MPZL2: variants seen among roughly 807,000 people sequenced by gnomAD.
MPZL2 encodes the protein myelin protein zero-like protein 2.
MPZL2 carries 32 observed loss-of-function variants against 24.5 expected under a neutral mutation model. The ratio of observed to expected loss-of-function variants is 1.31; its 90% confidence interval spans 0.99 to 1.76. The LOEUF (loss-of-function observed/expected upper bound fraction) is 1.76, where lower values mean the gene tolerates loss of function less well. Ranked by LOEUF, MPZL2 falls within the 40% of genes most tolerant of loss-of-function variation. MPZL2 has a pLI of 0.00. For synonymous variants in MPZL2, 92 were observed against 97.9 expected, an observed-to-expected ratio of 0.94 and a Z score of 0.36; for missense variants, 304 against 274.9, an observed-to-expected ratio of 1.11 and a Z score of -0.75.
In MPZL2 at chr11:118,253,766, C is replaced by T. The variant is rs1949645627; in HGVS notation, c.*1480G>A. The T allele has an allele frequency of 6.6e-6, 1 of 152,380 alleles. No individual in the cohort carries two copies. The highest frequency in any genetic ancestry group is 6.5e-5 in the Admixed American group (1 of 15,278). The allele number at this position is 152,380 out of a possible 1,614,324, so 9.4% of individuals were successfully genotyped here. A position where few individuals can be genotyped will look rare whatever the true frequency, so the allele number is the denominator to read the frequency against. ...TGTAATTTACAGTTTTAAAATTGCA[C>T]TTTAAAACTTTGCTTTTTTAGACAG... is the stretch of plus-strand genomic sequence containing the variant. On this transcript the variant is annotated 3_prime_UTR_variant, in exon 6 of 6. Transcript: ENST00000278937.
chr11:118,263,128 A>G (rs372594463), intron 1 of MPZL2, 31 bp from the exon 2 acceptor site: 1 of 1,605,838 alleles, frequency 6.2e-7, no homozygotes, highest in South Asian at 1.1e-5. Context: ...AAGAAGGGTT[A>G]ACAGGGGATG....
chr11:118,263,960 A>G (rs1949721007), intron 1 of MPZL2, 136 bp downstream of exon 1: 3 of 932,662 alleles, frequency 3.2e-6, no homozygotes, highest in African/African-American at 1.6e-5. Context: ...TGGTTTCAGT[A>G]AAACCCAAAG....
In MPZL2 at chr11:118,262,643, G is replaced by A; in HGVS notation, c.231C>T (p.Phe77=). The A allele has an allele frequency of 6.2e-7, 1 of 1,613,628 alleles. No individual in the cohort carries two copies. Among genetic ancestry groups the A allele is most frequent in the East Asian group, 2.2e-5 (1 of 44,862 alleles). The change falls in exon 3 of 6, where the codon TTC becomes TTT. Residue 77 remains phenylalanine (F), a synonymous_variant. Coordinates refer to ENST00000278937, the MANE Select transcript of MPZL2 (RefSeq NM_005797.4). ...GTTGGAAGGGATCTATGTGGTAGTA[G>A]AATACCTAGAGAGGGGAAATGGCAA... The part of the protein sequence containing the change: ...PLDGGPEQFV[F]YYHIDPFQPM...
intron 5 of MPZL2, among the ~76,000 whole-genome samples, 192 bp from the exon 6 acceptor site, chr11:118,255,425 C>T (rs1949654374): frequency 6.6e-6 from 1 of 151,998 alleles, no homozygotes; most frequent in South Asian, 2.1e-4. Context: ...AGTTAGTATC[C>T]TTAAATCATG....
In MPZL2 at chr11:118,254,367, T is replaced by A. The variant is rs527475943; in HGVS notation, c.*879A>T. The A allele has an allele frequency of 1.8e-4, 27 of 152,362 alleles. No homozygotes were observed. The highest frequency in any genetic ancestry group is 6.3e-4 in the African/African-American group (26 of 41,594). The allele number at this position is 152,362 out of a possible 1,614,324, so 9.4% of individuals were successfully genotyped here. A position where few individuals can be genotyped will look rare whatever the true frequency, so the allele number is the denominator to read the frequency against. ...GTAATATGCTGTTTCACAATTTTTT[T>A]ATTAAATTACTTAATGATTCCAGTC... On this transcript the variant is annotated 3_prime_UTR_variant, in exon 6 of 6. Transcript: ENST00000278937.
In MPZL2 at chr11:118,257,235, T is replaced by TA. The variant is rs776047827; in HGVS notation, c.*12+2dup. The TA allele has an allele frequency of 1.0e-4, 166 of 1,601,616 alleles. No homozygotes were observed. Among genetic ancestry groups the TA allele is most frequent in the Non-Finnish European group, 1.3e-4 (149 of 1,170,828 alleles). On this transcript the variant is annotated splice_region_variant and intron_variant, in intron 5 of 5. Coordinates refer to ENST00000278937, the MANE Select transcript of MPZL2 (RefSeq NM_005797.4). ...AAGAAATCAACCTATTTGTGAACCTTACCATCTAAAATTGTTAGTCTGTGT... is the reference window on the plus strand; with the variant it reads ...AAGAAATCAACCTATTTGTGAACCTTAACCATCTAAAATTGTTAGTCTGTGT...
Position 118,262,944 on chromosome 11 carries a change from C to G in MPZL2, c.212G>C (p.Gly71Ala). The G allele has an allele frequency of 6.2e-7, 1 of 1,613,978 alleles. No individual in the cohort carries two copies. Among genetic ancestry groups the G allele is most frequent in the South Asian group, 1.1e-5 (1 of 91,030 alleles). Residue 71 changes from glycine (G) to alanine (A), a missense_variant, in exon 2 of 6, where the codon GGA becomes GCA. By Grantham distance (60) the Gly-to-Ala change is moderately conservative. Transcript: ENST00000278937. Reference sequence around the variant, plus strand: ...TAATCTACTTACAAACTGCTCAGGTCCCCCGTCTAGAGGACGAAAATTCCA... The same window carrying G: ...TAATCTACTTACAAACTGCTCAGGTGCCCCGTCTAGAGGACGAAAATTCCA... ...VTWNFRPLDG[G>A]PEQFVFYYHI...
In MPZL2 at chr11:118,262,958, A is replaced by C. The variant is rs1309727271; in HGVS notation, c.198T>G (p.Arg66=). 1 of 1,614,184 alleles carries C rather than the reference A, an allele frequency of 6.2e-7. No individual in the cohort carries two copies. Among genetic ancestry groups the C allele is most frequent in the Non-Finnish European group, 8.5e-7 (1 of 1,180,014 alleles). The change falls in exon 2 of 6, where the codon CGT becomes CGG. Residue 66 remains arginine (R), a synonymous_variant. Transcript: ENST00000278937. ...ACTGCTCAGGTCCCCCGTCTAGAGG[A>C]CGAAAATTCCAGGTCACTGTTAGAG... The part of the protein sequence containing the change: ...GDALTVTWNF[R]PLDGGPEQFV...
At chr11:118,256,145 CT>C (rs11328010) in intron 5 of MPZL2, among the ~76,000 whole-genome samples, 86,407 of 151,914 alleles carry the variant, frequency 0.57, 25,047 homozygotes, top group South Asian at 0.74. Flanking sequence ...TTCACTGGAG[CT>C]TTAGCCTATA....
rs1458505314 is a variant in MPZL2 at position 118,264,161 on chromosome 11, A to G, written c.-8T>C. On this transcript the variant is annotated 5_prime_UTR_variant, in exon 1 of 6. Transcript: ENST00000278937. ...AGAGCTCTTGCCATACATGAGGGAAACCCAGCCTTGGCCCCAGAGACCGGA... is the reference window on the plus strand; with the variant it reads ...AGAGCTCTTGCCATACATGAGGGAAGCCCAGCCTTGGCCCCAGAGACCGGA... 1.2e-6 allele frequency: 2 copies of G among 1,613,930 alleles called. No homozygotes were observed. Among genetic ancestry groups the G allele is most frequent in the Non-Finnish European group, 8.5e-7 (1 of 1,179,990 alleles).
At chr11:118,263,496 T>C (rs1370961564) in intron 1 of MPZL2, among the ~76,000 whole-genome samples, 1 of 152,196 alleles carries the variant, frequency 6.6e-6, no homozygotes, top group Non-Finnish European at 1.5e-5. Flanking sequence ...AAGCATTATG[T>C]GTTGTATGTA....
chr11:118,264,101 A>G lies in MPZL2; in HGVS notation c.53T>C (p.Leu18Pro), dbSNP rs1365880982. 1 of 1,614,116 alleles carries G rather than the reference A, an allele frequency of 6.2e-7. No homozygotes were observed. Among genetic ancestry groups the G allele is most frequent in the Non-Finnish European group, 8.5e-7 (1 of 1,179,988 alleles). The change falls in exon 1 of 6, where the codon CTC becomes CCC. Residue 18 changes from leucine (L) to proline (P), a missense_variant. Coordinates refer to ENST00000278937, the MANE Select transcript of MPZL2 (RefSeq NM_005797.4). The stretch of plus-strand genomic sequence containing the variant: ...AGAAGCCCGCCGGCTCTTACCTGTG[A>G]GCTGTATGCCAAGGAGAAGAAGCAC... ...RAVLLLLGIQLTALWPIAAVE... is the reference protein window; with the variant it reads ...RAVLLLLGIQPTALWPIAAVE...
chr11:118,263,080 C>T lies in MPZL2; in HGVS notation c.76G>A (p.Ala26Thr), dbSNP rs1190620991. The change falls in exon 2 of 6, where the codon GCT becomes ACT. Residue 26 changes from alanine (A) to threonine (T), a missense_variant. Ala to Thr is a moderately conservative substitution (Grantham distance 58). Coordinates refer to ENST00000278937, the MANE Select transcript of MPZL2 (RefSeq NM_005797.4). ...IQLTALWPIA[A>T]VEIYTSRVLE... ...ACCCGGGAGGTATAAATTTCCACAG[C>T]TGCTATAGGCCAAAGAGCTGCAATG... 3.7e-6 allele frequency: 6 copies of T among 1,613,828 alleles called. No homozygotes were observed. The highest frequency in any genetic ancestry group is 8.5e-7 in the Non-Finnish European group (1 of 1,179,944).
rs764638589 is a variant in MPZL2 at position 118,264,183 on chromosome 11, C to T, written c.-30G>A. The T allele has an allele frequency of 1.9e-6, 3 of 1,611,276 alleles. No individual in the cohort carries two copies. The highest frequency in any genetic ancestry group is 2.5e-6 in the Non-Finnish European group (3 of 1,177,658). ...GAAACCCAGCCTTGGCCCCAGAGAC[C>T]GGACGGGGCAGACCGAGGGCTCCAA... On this transcript the variant is annotated 5_prime_UTR_variant, in exon 1 of 6. Transcript: ENST00000278937.
intron 5 of MPZL2, among the ~76,000 whole-genome samples, chr11:118,256,131 G>A (rs1444078906): frequency 4.4e-5 from 5 of 112,692 alleles, no homozygotes; most frequent in Non-Finnish European, 1.8e-5. Flanking sequence ...AATCCTTGAG[G>A]TCTTTCACTG....
At chr11:118,257,344 AAC>A in intron 4 of MPZL2, 31 bp from the exon 5 acceptor site, 2 of 1,583,348 alleles carry the variant, frequency 1.3e-6, no homozygotes, top group Non-Finnish European at 1.7e-6. Flanking sequence ...ATGTCAGGTG[AAC>A]AAGACAAGAA....
chr11:118,257,392 G>T, intron 4 of MPZL2, 79 bp from the exon 5 acceptor site: 1 of 1,185,524 alleles, frequency 8.4e-7, no homozygotes, highest in South Asian at 1.3e-5. Flanking sequence ...TTCAGGTAAG[G>T]TATTTTTCCC....
chr11:118,260,396 G>A (rs2134732033), intron 3 of MPZL2, among the ~76,000 whole-genome samples, 195 bp from the exon 4 acceptor site: 1 of 152,298 alleles, frequency 6.6e-6, no homozygotes, highest in African/African-American at 2.4e-5. Context: ...GGTTCTCAAA[G>A]TGTGGTCTTC....
chr11:118,262,290 C>T (rs905668252), intron 3 of MPZL2, 148 bp downstream of exon 3: 1 of 808,996 alleles, frequency 1.2e-6, no homozygotes, highest in Non-Finnish European at 2.0e-6. Flanking sequence ...CTTCGGTCTC[C>T]CTCTGAGGCT....
Sources: allele counts gnomAD v4.1 joint callset (sites outside exome capture counted in the v4.1 genomes callset), GRCh38; gene constraint gnomAD v4.1.1; transcripts MANE v1.5; gene names NCBI Gene and HGNC (gene_info 2026-07-23, HGNC 2026-07-21).